Variants in NRXN3 observed in about 807,000 individuals in gnomAD.
The protein encoded by NRXN3 is neurexin III.
Under a neutral mutation model 137.6 loss-of-function variants are expected in NRXN3, and 32 were observed. The ratio of observed to expected loss-of-function variants is 0.23; its 90% confidence interval spans 0.18 to 0.31. NRXN3 has a LOEUF of 0.31. NRXN3 is among the 10% of genes least tolerant of loss of function. NRXN3 has a pLI of 1.00. For synonymous variants in NRXN3, 798 were observed against 784.5 expected, an observed-to-expected ratio of 1.02 and a Z score of -0.29; for missense variants, 1,574 against 2,062.5, an observed-to-expected ratio of 0.76 and a Z score of 4.59.
chr14:79,590,439 G>C (rs12881007), intron 16 of NRXN3, among the ~76,000 whole-genome samples: 2 of 55,794 alleles, frequency 3.6e-5, no homozygotes, highest in Non-Finnish European at 6.6e-5. Context: ...AAAAAAAAAA[G>C]ATTATGATAG....
intron 15 of NRXN3, among the ~76,000 whole-genome samples, chr14:79,066,187 A>G (rs1300723292): frequency 6.6e-6 from 1 of 152,136 alleles, no homozygotes; most frequent in East Asian, 1.9e-4. Flanking sequence ...GAAGAGGCCC[A>G]GTTTCAGTTT....
intron 4 of NRXN3, among the ~76,000 whole-genome samples, chr14:78,622,363 TG>T (rs2097414657): frequency 6.6e-6 from 1 of 152,202 alleles, no homozygotes; most frequent in Non-Finnish European, 1.5e-5. Context: ...TGTTCTGTGA[TG>T]GTTTATGGAA....
intron 15 of NRXN3, among the ~76,000 whole-genome samples, chr14:79,291,696 T>C (rs1011494224): frequency 6.7e-6 from 1 of 149,478 alleles, no homozygotes; most frequent in Non-Finnish European, 1.5e-5. Context: ...TATAAGTATA[T>C]ACTGAAATTA....
intron 16 of NRXN3, among the ~76,000 whole-genome samples, chr14:79,606,623 G>A (rs763470165): frequency 2.0e-5 from 3 of 152,146 alleles, no homozygotes; most frequent in Admixed American, 6.5e-5. Flanking sequence ...ACTTTTCATT[G>A]ATCATCAACT....
chr14:79,184,744 C>T (rs2063318686), intron 15 of NRXN3, among the ~76,000 whole-genome samples: 1 of 152,090 alleles, frequency 6.6e-6, no homozygotes, highest in Admixed American at 6.5e-5. Flanking sequence ...TCTTTAAATA[C>T]CAGAATATGT....
intron 16 of NRXN3, among the ~76,000 whole-genome samples, chr14:79,481,412 A>C (rs1421011014): frequency 6.6e-6 from 1 of 152,194 alleles, no homozygotes; most frequent in Non-Finnish European, 1.5e-5. Flanking sequence ...AACATCATAG[A>C]GTGTACTTAC....
intron 16 of NRXN3, among the ~76,000 whole-genome samples, chr14:79,639,679 C>T (rs899278531): frequency 6.6e-5 from 10 of 152,082 alleles, no homozygotes; most frequent in African/African-American, 2.4e-4. Flanking sequence ...TGAGGGCCAA[C>T]CTCTTGAATC....
At chr14:78,604,361 A>T (rs1215507723) in intron 4 of NRXN3, among the ~76,000 whole-genome samples, 1 of 150,432 alleles carries the variant, frequency 6.6e-6, no homozygotes, top group Non-Finnish European at 1.5e-5. Context: ...TTGTGCAGGG[A>T]TGACAAGAGA....
chr14:79,519,262 A>T (rs1386145044), intron 16 of NRXN3, among the ~76,000 whole-genome samples: 1 of 152,000 alleles, frequency 6.6e-6, no homozygotes, highest in Non-Finnish European at 1.5e-5. Context: ...CTTATTTTCC[A>T]CTTACTATTT....
intron 8 of NRXN3, among the ~76,000 whole-genome samples, chr14:78,745,845 A>G (rs1009929527): frequency 9.2e-5 from 14 of 152,190 alleles, no homozygotes; most frequent in African/African-American, 3.4e-4. Flanking sequence ...CCCAGTCAAG[A>G]CTAACAGTTC....
intron 8 of NRXN3, among the ~76,000 whole-genome samples, chr14:78,719,949 T>G (rs1478843405): frequency 6.6e-6 from 1 of 152,196 alleles, no homozygotes; most frequent in Non-Finnish European, 1.5e-5. Context: ...CCTGAGAAGT[T>G]AAGTCAACAT....
intron 15 of NRXN3, chr14:79,314,219 G>A (rs1200972411): frequency 2.2e-5 from 3 of 137,940 alleles, no homozygotes; most frequent in African/African-American, 5.5e-5. Flanking sequence ...CACCGTGCGC[G>A]AGCCGAAGCA....
intron 4 of NRXN3, among the ~76,000 whole-genome samples, chr14:78,302,075 T>C (rs560623309): frequency 7.9e-5 from 12 of 152,314 alleles, no homozygotes; most frequent in East Asian, 5.8e-4. Flanking sequence ...GGTGACCTCA[T>C]AGGCACAGCC....
chr14:79,115,605 A>G (rs1265494067), intron 15 of NRXN3, among the ~76,000 whole-genome samples: 3 of 152,206 alleles, frequency 2.0e-5, no homozygotes, highest in African/African-American at 7.2e-5. Flanking sequence ...CTAACTTTTG[A>G]TTGGCCAGGG....
intron 15 of NRXN3, among the ~76,000 whole-genome samples, chr14:79,184,201 G>C (rs2063256985): frequency 6.6e-6 from 1 of 152,200 alleles, no homozygotes; most frequent in African/African-American, 2.4e-5. Flanking sequence ...TGGCAGGCCA[G>C]ATGATATAAT....
chr14:78,793,546 C>G (rs1405761235), intron 8 of NRXN3, among the ~76,000 whole-genome samples: 1 of 152,174 alleles, frequency 6.6e-6, no homozygotes, highest in African/African-American at 2.4e-5. Context: ...AAACCAGGCA[C>G]AGGTTTCCAA....
In NRXN3 at chr14:78,639,992, G is replaced by A. The variant is rs565092118; in HGVS notation, c.758-5128G>A. ...CTAGAATCCTTCTTTATCAATGTCT[G>A]ACATGTTTTCATTTTCAGTCCTTTC... On this transcript the variant is annotated intron_variant, in intron 4 of 20. Transcript: ENST00000335750. Among the ~76,000 whole-genome samples the A allele has an allele frequency of 2.0e-5, 3 of 152,274 alleles. No individual in the cohort carries two copies. The South Asian group carries it at 6.2e-4, about 32-fold the overall frequency.
At chr14:78,523,701 C>G (rs1420771203) in intron 4 of NRXN3, among the ~76,000 whole-genome samples, 3 of 148,568 alleles carry the variant, frequency 2.0e-5, no homozygotes, top group Non-Finnish European at 4.5e-5. Flanking sequence ...CCTATAGTCC[C>G]AGCTACTTGG....
chr14:78,502,812 G>A (rs184373674), intron 4 of NRXN3, among the ~76,000 whole-genome samples: 147 of 152,300 alleles, frequency 9.7e-4, no homozygotes, highest in Non-Finnish European at 1.9e-3. Context: ...ACGGAGATGA[G>A]GAGGCAGAGG....
Sources: allele counts gnomAD v4.1 joint callset (sites outside exome capture counted in the v4.1 genomes callset), GRCh38; gene constraint gnomAD v4.1.1; transcripts MANE v1.5; gene names NCBI Gene and HGNC (gene_info 2026-07-23, HGNC 2026-07-21).